Variants in NDUFAF6 observed in about 807,000 individuals in gnomAD.
NDUFAF6 encodes NADH:ubiquinone oxidoreductase complex assembly factor 6, also known as NADH dehydrogenase (ubiquinone) complex I, assembly factor 6.
NDUFAF6 carries 45 observed loss-of-function variants against 40.8 expected under a neutral mutation model. The ratio of observed to expected loss-of-function variants is 1.10; its 90% confidence interval spans 0.87 to 1.42. The LOEUF (loss-of-function observed/expected upper bound fraction) is 1.42, where lower values mean the gene tolerates loss of function less well. NDUFAF6 is among the 40% of genes most tolerant of loss of function. The pLI, the probability that NDUFAF6 is intolerant of heterozygous loss-of-function variation, is 0.00. For synonymous variants in NDUFAF6, 185 were observed against 155.9 expected, an observed-to-expected ratio of 1.19 and a Z score of -1.39; for missense variants, 435 against 418.5, an observed-to-expected ratio of 1.04 and a Z score of -0.34.
At chr8:95,029,657 C>G (rs1828602143) in intron 1 of NDUFAF6, among the ~76,000 whole-genome samples, 1 of 152,240 alleles carries the variant, frequency 6.6e-6, no homozygotes, top group African/African-American at 2.4e-5. Context: ...CAATTCCTCA[C>G]ATCTTATCTT....
chr8:95,000,043 ATT>A (rs35353243), intron 2 of NDUFAF6, among the ~76,000 whole-genome samples: 170 of 148,868 alleles, frequency 1.1e-3, no homozygotes, highest in Admixed American at 2.8e-3. Context: ...GACAGGCTGT[ATT>A]TTTTTTTTTT....
chr8:95,021,457 A>C (rs1203302472), upstream of NDUFAF6, among the ~76,000 whole-genome samples: 3 of 152,218 alleles, frequency 2.0e-5, no homozygotes, highest in Non-Finnish European at 4.4e-5. Flanking sequence ...ATTTCCCTAG[A>C]AGAATGTTTT....
intron 1 of NDUFAF6, among the ~76,000 whole-genome samples, chr8:95,027,012 C>T (rs984842479): frequency 1.1e-4 from 17 of 152,168 alleles, no homozygotes; most frequent in African/African-American, 3.9e-4. Flanking sequence ...CTCCATTGCA[C>T]TCCAGCTGGG....
intron 2 of NDUFAF6, among the ~76,000 whole-genome samples, chr8:94,981,760 T>C (rs989688492): frequency 1.3e-5 from 2 of 152,160 alleles, no homozygotes; most frequent in African/African-American, 2.4e-5. Flanking sequence ...AGAGCTGATA[T>C]TCTGATTCCT....
chr8:95,084,651 T>G lies in NDUFAF6; in HGVS notation n.213+8899T>G, dbSNP rs6471509. On this transcript the variant is annotated intron_variant and non_coding_transcript_variant, in intron 2 of 5. Coordinates refer to the NDUFAF6 transcript ENST00000523184. ...AATTCCATGGCTTGGTGTGAATTCA[T>G]TTGGCTTCCTAGGTAATTGGACTCA... 5.3e-5 allele frequency among the ~76,000 whole-genome samples: 8 copies of G among 152,124 alleles called. No homozygotes were observed. In the East Asian group the frequency reaches 5.8e-4, roughly 11 times the overall value.
intron 1 of NDUFAF6, among the ~76,000 whole-genome samples, chr8:95,028,456 A>G (rs1828438164): frequency 6.6e-6 from 1 of 152,254 alleles, no homozygotes; most frequent in Non-Finnish European, 1.5e-5. Flanking sequence ...AATAATCAGT[A>G]TATCATGTTT....
At chr8:94,980,874 C>T (rs181078158) in exon 2 of NDUFAF6, 1 of 454,520 alleles carries the variant, frequency 2.2e-6, no homozygotes, top group Non-Finnish European at 4.4e-6. Context: ...TCTCAACAAC[C>T]CATGAAGTGT....
intron 1 of NDUFAF6, among the ~76,000 whole-genome samples, chr8:95,026,066 G>C (rs1366250090): frequency 6.6e-6 from 1 of 152,128 alleles, no homozygotes; most frequent in African/African-American, 2.4e-5. Flanking sequence ...AAACTACCTT[G>C]AAGTTGATCA....
At chr8:94,962,286 A>G (rs138879808) in intron 1 of NDUFAF6, among the ~76,000 whole-genome samples, 1,552 of 152,258 alleles carry the variant, frequency 0.01, 77 homozygotes, top group Admixed American at 0.09. Flanking sequence ...TAGGTTTCTT[A>G]CCTCCAGACT....
intron 2 of NDUFAF6, among the ~76,000 whole-genome samples, chr8:94,989,862 G>C: frequency 6.6e-6 from 1 of 152,086 alleles, no homozygotes; most frequent in Middle Eastern, 3.2e-3. Context: ...GAGTAGCTGG[G>C]ACTACAGGTG....
At chr8:95,070,560 GC>G in intron 9 of NDUFAF6, among the ~76,000 whole-genome samples, 1 of 152,254 alleles carries the variant, frequency 6.6e-6, no homozygotes, top group African/African-American at 2.4e-5. Context: ...CAGAGAATGA[GC>G]TTCTAAAAAT....
At position 95,094,975 on chromosome 8, in the gene NDUFAF6, C is replaced by T. The variant is rs537079786; in HGVS notation, n.214-6157C>T. ...GCGGGGGGTGTCTCACTGTGTTGCCCAGGTTGGTCTTGAACTACTGGCCTC... is the reference window on the plus strand; with the variant it reads ...GCGGGGGGTGTCTCACTGTGTTGCCTAGGTTGGTCTTGAACTACTGGCCTC... On this transcript the variant is annotated intron_variant and non_coding_transcript_variant, in intron 2 of 5. Coordinates refer to the NDUFAF6 transcript ENST00000523184. 2.6e-4 allele frequency among the ~76,000 whole-genome samples: 39 copies of T among 151,582 alleles called. 1 individual carries two copies. In the East Asian group the frequency reaches 5.5e-3, roughly 21 times the overall value.
At chr8:95,031,423 GCTCATTTGAATTCTTAC>G (rs1828825962) in intron 1 of NDUFAF6, among the ~76,000 whole-genome samples, 1 of 152,110 alleles carries the variant, frequency 6.6e-6, no homozygotes, top group Admixed American at 6.5e-5. Context: ...TTCTTTTGAA[GCTCATTTGAATTCTTAC>G]TAAAACAAAA....
At chr8:94,987,952 T>C (rs992791644) in intron 2 of NDUFAF6, among the ~76,000 whole-genome samples, 1 of 152,216 alleles carries the variant, frequency 6.6e-6, no homozygotes, top group African/African-American at 2.4e-5. Flanking sequence ...CTCAAAGGTC[T>C]CATCTAAGTG....
intron 1 of NDUFAF6, among the ~76,000 whole-genome samples, chr8:94,941,723 G>C (rs1029920335): frequency 6.6e-6 from 1 of 152,198 alleles, no homozygotes; most frequent in African/African-American, 2.4e-5. Context: ...TGCTGGGTCA[G>C]CCACCTGCAT....
intron 3 of NDUFAF6, chr8:95,040,901 T>TA (rs1830076185): frequency 6.6e-6 from 1 of 152,254 alleles, no homozygotes; most frequent in South Asian, 2.1e-4. Flanking sequence ...AGGAGAATGG[T>TA]AGTAGAGACA....
chr8:95,056,621 T>C (rs1832180850), intron 8 of NDUFAF6, among the ~76,000 whole-genome samples: 1 of 151,956 alleles, frequency 6.6e-6, no homozygotes, highest in South Asian at 2.1e-4. Context: ...AAAAAGTAGA[T>C]AATGGCCGGG....
chr8:94,948,288 G>A (rs1365236163), intron 2 of NDUFAF6, among the ~76,000 whole-genome samples: 2 of 152,156 alleles, frequency 1.3e-5, no homozygotes, highest in African/African-American at 4.8e-5. Flanking sequence ...ATCTCTCTGT[G>A]CCTCGGGTTT....
At chr8:94,939,586 C>G in intron 1 of NDUFAF6, 5 of 376,276 alleles carry the variant, frequency 1.3e-5, no homozygotes, top group Non-Finnish European at 2.5e-5. Flanking sequence ...TTTGTACAGA[C>G]GGGGTTTCAC....
Sources: allele counts gnomAD v4.1 joint callset (sites outside exome capture counted in the v4.1 genomes callset), GRCh38; gene constraint gnomAD v4.1.1; transcripts MANE v1.5; gene names NCBI Gene and HGNC (gene_info 2026-07-23, HGNC 2026-07-21).